MFSD12: variants seen among roughly 807,000 people sequenced by gnomAD.
The protein encoded by MFSD12 is major facilitator superfamily domain containing 12, also known as major facilitator superfamily domain-containing protein 12.
A neutral mutation model predicts 51.2 loss-of-function variants in MFSD12; 67 were observed. The ratio of observed to expected loss-of-function variants is 1.31; its 90% CI spans 1.08 to 1.60. The LOEUF (loss-of-function observed/expected upper bound fraction) is 1.60, where lower values mean the gene tolerates loss of function less well. Ranked by LOEUF, MFSD12 falls within the 40% of genes most tolerant of loss-of-function variation. MFSD12 has a pLI of 0.00. For missense variants in MFSD12, 921 were observed against 673.0 expected, an observed-to-expected ratio of 1.37 and a Z score of -4.08; for synonymous variants, 441 against 316.7, an observed-to-expected ratio of 1.39 and a Z score of -4.17.
At chr19:3,555,931 G>A (rs1035523323) in intron 1 of MFSD12, among the ~76,000 whole-genome samples, 13 of 152,232 alleles carry the variant, frequency 8.5e-5, no homozygotes, top group Admixed American at 6.5e-4. Context: ...AGGCAGCCCT[G>A]CAGTCTTATC....
chr19:3,544,392 CAGGGTT>C lies in MFSD12; in HGVS notation c.*312_*317del. The C allele has an allele frequency of 4.6e-6, 6 of 1,301,920 alleles. No individual in the cohort carries two copies. Among genetic ancestry groups the C allele is most frequent in the Non-Finnish European group, 4.9e-6 (5 of 1,025,942 alleles). The allele number at this position is 1,301,920 out of a possible 1,614,324, so 80.6% of individuals were successfully genotyped here. On this transcript the variant is annotated 3_prime_UTR_variant, in exon 10 of 10. Transcript: ENST00000355415. The stretch of plus-strand genomic sequence containing the variant: ...GGTGAGGGGTGAACTGGACTGAGCT[CAGGGTT>C]AGGGTTCCCCCAGACCCTTCTGGGA...
In MFSD12 at chr19:3,551,147, G is replaced by T; in HGVS notation, c.346C>A (p.Leu116Met). Residue 116 changes from leucine to methionine, a missense_variant, in exon 2 of 10, where the codon CTG becomes ATG. Leu to Met is a conservative substitution (Grantham distance 15, BLOSUM62 2). Transcript: ENST00000355415. The surrounding 1 kb of genome is among the most constrained non-coding windows in gnomAD (Gnocchi z 4.6). Reference sequence around the variant, plus strand: ...TCGGGCGTGGCCGCCCCACAGCCCAGGCAGGGGCTGAAGATGAAGGGGAAG... The same window carrying T: ...TCGGGCGTGGCCGCCCCACAGCCCATGCAGGGGCTGAAGATGAAGGGGAAG... Reference protein sequence around the residue: ...LSFPFIFSPCLGCGAATPEWA... With the variant: ...LSFPFIFSPCMGCGAATPEWA... 1 of 1,612,680 alleles carries T rather than the reference G, an allele frequency of 6.2e-7. No homozygotes were observed. The highest frequency in any genetic ancestry group is 8.5e-7 in the Non-Finnish European group (1 of 1,179,850).
chr19:3,546,215 G>C (rs370358161), intron 7 of MFSD12, 40 bp downstream of exon 7: 2 of 1,607,448 alleles, frequency 1.2e-6, no homozygotes, highest in South Asian at 2.2e-5. Flanking sequence ...CGAGATCTAG[G>C]ACCCGGCCTC....
chr19:3,539,279 G>C (rs1481412405), downstream of MFSD12: 9 of 1,517,764 alleles, frequency 5.9e-6, no homozygotes, highest in Non-Finnish European at 8.0e-6. Flanking sequence ...CTCCCTACAG[G>C]TGAGCCCCTC....
intron 2 of MFSD12, among the ~76,000 whole-genome samples, chr19:3,550,423 G>A (rs146757398): frequency 8.2e-4 from 123 of 150,768 alleles, no homozygotes; most frequent in African/African-American, 2.5e-3. Context: ...ACGGAATCTC[G>A]CTCTGTCGCC....
intron 4 of MFSD12, 28 bp from the exon 5 acceptor site, chr19:3,547,575 CA>C: frequency 6.3e-7 from 1 of 1,582,612 alleles, no homozygotes; most frequent in Non-Finnish European, 8.6e-7. Flanking sequence ...GAGGGACTGG[CA>C]GGGGTCAGGA....
At position 3,546,352 on chromosome 19, in the gene MFSD12, A is replaced by C. The variant is rs2031047895; in HGVS notation, c.1097T>G (p.Val366Gly). Residue 366 changes from valine to glycine, a missense_variant, in exon 7 of 10, where the codon GTG becomes GGG. By Grantham distance (109) the Val-to-Gly change is moderately radical. Coordinates refer to ENST00000355415, the MANE Select transcript of MFSD12 (RefSeq NM_174983.5). ...CAGCACAGCCGCTGCGTACACGGCCACACCCAGTCCCTCCGCCAGCGCCAC... is the reference window on the plus strand; with the variant it reads ...CAGCACAGCCGCTGCGTACACGGCCCCACCCAGTCCCTCCGCCAGCGCCAC... The part of the protein sequence containing the change: ...AWVALAEGLG[V>G]AVYAAAVLLG... 2 of 1,608,062 alleles carry C rather than the reference A, an allele frequency of 1.2e-6. No homozygotes were observed. Among genetic ancestry groups the C allele is most frequent in the Non-Finnish European group, 1.7e-6 (2 of 1,178,092 alleles).
rs2145211368 is a variant in MFSD12 at position 3,551,485 on chromosome 19, C to T, written c.299-291G>A. Among the ~76,000 whole-genome samples, 1 of 152,270 alleles carries T rather than the reference C, an allele frequency of 6.6e-6. No individual in the cohort carries two copies. The highest frequency in any genetic ancestry group is 2.1e-4 in the South Asian group (1 of 4,830). On this transcript the variant is annotated intron_variant, in intron 1 of 9. Coordinates refer to ENST00000355415, the MANE Select transcript of MFSD12 (RefSeq NM_174983.5). This position sits in a 1 kb window ranked among gnomAD's most constrained non-coding sequence, Gnocchi z 4.6. ...CCCCCCACAGGTGCCCCGGTTACAGCCGCAGCCTCCCCCAGCTCCTCCCCC... is the reference window on the plus strand; with the variant it reads ...CCCCCCACAGGTGCCCCGGTTACAGTCGCAGCCTCCCCCAGCTCCTCCCCC...
In MFSD12 at chr19:3,544,439, C is replaced by T. The variant is rs752124408; in HGVS notation, c.*271G>A. 1.5e-6 allele frequency: 2 copies of T among 1,338,562 alleles called. No homozygotes were observed. The highest frequency in any genetic ancestry group is 1.9e-6 in the Non-Finnish European group (2 of 1,047,204). The allele number at this position is 1,338,562 out of a possible 1,614,324, so 82.9% of individuals were successfully genotyped here. On this transcript the variant is annotated 3_prime_UTR_variant, in exon 10 of 10. Coordinates refer to ENST00000355415, the MANE Select transcript of MFSD12 (RefSeq NM_174983.5). ...CCTTCTGGGATTCCTACTTCCTGTT[C>T]CCTGCCGAGAGGGGCACCCCAAATC...
rs934363771 is a variant in MFSD12, at chr19:3,551,668, T to C, written c.299-474A>G. ...CTGGCCTCCAGGGACAGTCAGGAAA[T>C]AGCACCCGCCCCCACCTGAGATCTG... On this transcript the variant is annotated intron_variant, in intron 1 of 9. Coordinates refer to ENST00000355415, the MANE Select transcript of MFSD12 (RefSeq NM_174983.5). This position sits in a 1 kb window ranked among gnomAD's most constrained non-coding sequence, Gnocchi z 4.6. 3.9e-5 allele frequency among the ~76,000 whole-genome samples: 6 copies of C among 151,946 alleles called. No homozygotes were observed. The highest frequency in any genetic ancestry group is 1.2e-4 in the African/African-American group (5 of 41,378).
Position 3,557,383 on chromosome 19 carries a change from C to T in MFSD12, c.21G>A (p.Ala7=), listed in dbSNP as rs759796752. The part of the protein sequence containing the change: MGPGPP[A]AGAAPSPRPL... ...GCCGCGGGGACGGCGCCGCTCCGGC[C>T]GCTGGGGGTCCCGGGCCCATCGCGG... The change falls in exon 1 of 10, where the codon GCG becomes GCA. Residue 7 remains alanine, a synonymous_variant. Coordinates refer to ENST00000355415, the MANE Select transcript of MFSD12 (RefSeq NM_174983.5). The T allele has an allele frequency of 7.0e-7, 1 of 1,438,544 alleles. No homozygotes were observed. Among genetic ancestry groups the T allele is most frequent in the South Asian group, 1.4e-5 (1 of 71,286 alleles). The allele number at this position is 1,438,544 out of a possible 1,614,324, so 89.1% of individuals were successfully genotyped here.
chr19:3,557,314 G>C lies in MFSD12; in HGVS notation c.90C>G (p.Phe30Leu), dbSNP rs1307447347. 3 of 1,588,440 alleles carry C rather than the reference G, an allele frequency of 1.9e-6. No homozygotes were observed. Among genetic ancestry groups the C allele is most frequent in the Middle Eastern group, 1.7e-4 (1 of 5,882 alleles). ...ACATGGACGCGCACAGGTCGTTGAGGAAGTGGCCCACGGCGTAGCTCAGCC... is the reference window on the plus strand; with the variant it reads ...ACATGGACGCGCACAGGTCGTTGAGCAAGTGGCCCACGGCGTAGCTCAGCC... ...VARLSYAVGH[F>L]LNDLCASMWF... is the part of the protein sequence containing the mutation. The change falls in exon 1 of 10, where the codon TTC becomes TTG. Residue 30 changes from phenylalanine to leucine, a missense_variant. By Grantham distance (22) the Phe-to-Leu change is conservative. Transcript: ENST00000355415.
downstream of MFSD12, chr19:3,540,089 C>CTTTTTTTTTTTTTTTTTT (rs770199097): frequency 3.4e-5 from 3 of 88,198 alleles, no homozygotes; most frequent in African/African-American, 1.2e-4. Flanking sequence ...CATCTCTTTT[C>CTTTTTTTTTTTTTTTTTT]TTTTTTTTTT....
chr19:3,546,868 G>C (rs1012476803), intron 6 of MFSD12, among the ~76,000 whole-genome samples: 10 of 152,018 alleles, frequency 6.6e-5, no homozygotes, highest in African/African-American at 1.7e-4. Flanking sequence ...GAGTCTCGCT[G>C]TGTCGCCCAG....
chr19:3,540,163 G>C (rs1485312312), downstream of MFSD12: 1 of 140,906 alleles, frequency 7.1e-6, no homozygotes, highest in East Asian at 2.1e-4. Context: ...GCGCAATCTT[G>C]GCTCACTGCA....
At chr19:3,555,418 G>C (rs1055574161) in intron 1 of MFSD12, among the ~76,000 whole-genome samples, 1 of 152,000 alleles carries the variant, frequency 6.6e-6, no homozygotes, top group Non-Finnish European at 1.5e-5. Flanking sequence ...ATTATCTTAC[G>C]CGACTGTCAA....
At chr19:3,553,880 G>C (rs967393513) in intron 1 of MFSD12, among the ~76,000 whole-genome samples, 2 of 151,102 alleles carry the variant, frequency 1.3e-5, no homozygotes, top group South Asian at 2.1e-4. Flanking sequence ...TCAGGAGTTC[G>C]AGACCAGCCT....
At chr19:3,541,620 G>A, downstream of MFSD12, 1 of 984,288 alleles carries the variant, frequency 1.0e-6, no homozygotes, top group Non-Finnish European at 1.2e-6. Flanking sequence ...CGCACCCAGT[G>A]CAAGACCCTA....
downstream of MFSD12, chr19:3,542,785 T>C (rs753900046): frequency 2.2e-6 from 3 of 1,368,196 alleles, no homozygotes; most frequent in Non-Finnish European, 2.9e-6. Context: ...CCTGGCCTAG[T>C]GGGTCCCCCA....
Sources: gnomAD v4.1 joint callset for allele counts (sites outside exome capture counted in the v4.1 genomes callset) on GRCh38, gnomAD v4.1.1 for gene constraint, Gnocchi (gnomAD v3.1) non-coding constraint, MANE v1.5 for transcripts, NCBI Gene and HGNC (gene_info 2026-07-23, HGNC 2026-07-21) for gene names.